The following FNBP1L variants were observed in gnomAD, a reference collection of about 807,000 sequenced individuals.
FNBP1L encodes formin-binding protein 1-like.
Under a neutral mutation model 91.2 loss-of-function variants are expected in FNBP1L, and 36 were observed. The ratio of observed to expected loss-of-function variants is 0.39; its 90% CI spans 0.30 to 0.52. The LOEUF (loss-of-function observed/expected upper bound fraction) is 0.52. Ranked by LOEUF, FNBP1L falls within the 20% of genes least tolerant of loss-of-function variation. The pLI, the probability that FNBP1L is intolerant of heterozygous loss-of-function variation, is 0.66. For missense variants in FNBP1L, 571 were observed against 732.1 expected, an observed-to-expected ratio of 0.78 and a Z score of 2.54; for synonymous variants, 242 against 237.0, an observed-to-expected ratio of 1.02 and a Z score of -0.19.
chr1:93,521,865 A>G (rs1671338836), intron 2 of FNBP1L, among the ~76,000 whole-genome samples: 1 of 152,202 alleles, frequency 6.6e-6, no homozygotes, highest in Non-Finnish European at 1.5e-5. Context: ...ATATGAAAAT[A>G]CAGAAATAAC....
At chr1:93,509,224 C>T (rs1670734315) in intron 2 of FNBP1L, among the ~76,000 whole-genome samples, 1 of 152,160 alleles carries the variant, frequency 6.6e-6, no homozygotes, top group Admixed American at 6.5e-5. Flanking sequence ...CTTAATCATG[C>T]AAAGTCAGCT....
intron 1 of FNBP1L, among the ~76,000 whole-genome samples, chr1:93,498,421 A>G (rs557212199): frequency 6.6e-6 from 1 of 152,378 alleles, no homozygotes; most frequent in South Asian, 2.1e-4. Flanking sequence ...TTTGAAAACC[A>G]GATGATAATC....
At chr1:93,541,172 T>C in intron 11 of FNBP1L, 116 bp downstream of exon 11, 6 of 1,022,614 alleles carry the variant, frequency 5.9e-6, no homozygotes, top group Non-Finnish European at 8.7e-6. Context: ...CTTGTGTGTT[T>C]TTTCTTTTTA....
intron 6 of FNBP1L, among the ~76,000 whole-genome samples, chr1:93,530,047 G>A (rs144098317): frequency 2.7e-4 from 41 of 152,258 alleles, no homozygotes; most frequent in African/African-American, 9.1e-4. Flanking sequence ...GCTAAGATGT[G>A]TTGATGGGGT....
intron 2 of FNBP1L, among the ~76,000 whole-genome samples, chr1:93,520,276 G>A (rs1242986277): frequency 6.6e-6 from 1 of 152,118 alleles, no homozygotes; most frequent in Non-Finnish European, 1.5e-5. Context: ...GGCATTAATT[G>A]ATACTAATCT....
intron 11 of FNBP1L, 166 bp from the exon 12 acceptor site, chr1:93,543,941 A>G (rs1672130865): frequency 2.3e-6 from 1 of 431,780 alleles, no homozygotes; most frequent in Non-Finnish European, 4.3e-6. Context: ...ACATATACGC[A>G]TAAACACACA....
intron 10 of FNBP1L, among the ~76,000 whole-genome samples, chr1:93,537,633 C>A (rs1671891106): frequency 6.6e-6 from 1 of 151,992 alleles, no homozygotes; most frequent in Non-Finnish European, 1.5e-5. Context: ...TCTGTCTTAC[C>A]TAATTCTATA....
At chr1:93,461,814 T>C (rs1315205227) in intron 1 of FNBP1L, among the ~76,000 whole-genome samples, 2 of 152,334 alleles carry the variant, frequency 1.3e-5, no homozygotes, top group Middle Eastern at 3.4e-3. Context: ...ATTTGAATTA[T>C]TACATGGGAG....
intron 2 of FNBP1L, among the ~76,000 whole-genome samples, chr1:93,503,803 G>T (rs1670516682): frequency 6.6e-6 from 1 of 152,124 alleles, no homozygotes; most frequent in Non-Finnish European, 1.5e-5. Flanking sequence ...AACAGATTAA[G>T]ATTTCTAAGT....
chr1:93,546,412 T>A (rs996684951), intron 12 of FNBP1L, among the ~76,000 whole-genome samples: 1 of 152,066 alleles, frequency 6.6e-6, no homozygotes, highest in African/African-American at 2.4e-5. Flanking sequence ...CTGCCATTCC[T>A]ATTTCTAGCA....
chr1:93,483,615 C>G (rs1302669368), intron 1 of FNBP1L, among the ~76,000 whole-genome samples: 2 of 152,234 alleles, frequency 1.3e-5, no homozygotes, highest in East Asian at 3.9e-4. Flanking sequence ...AGAGTTCTGT[C>G]TAGATCAGTG....
chr1:93,530,995 G>A (rs1671658421), intron 7 of FNBP1L, 112 bp downstream of exon 7: 4 of 850,284 alleles, frequency 4.7e-6, no homozygotes, highest in Non-Finnish European at 6.9e-6. Context: ...ATCAGGGTTG[G>A]GGTGAGAGAT....
chr1:93,500,435 T>A (rs1478198942), intron 2 of FNBP1L, among the ~76,000 whole-genome samples: 2 of 152,096 alleles, frequency 1.3e-5, no homozygotes, highest in African/African-American at 4.8e-5. Context: ...GATGGTCTTC[T>A]CTATTGTACC....
At chr1:93,522,273 A>G (rs943604727) in intron 3 of FNBP1L, 138 bp downstream of exon 3, 6 of 352,830 alleles carry the variant, frequency 1.7e-5, no homozygotes, top group Non-Finnish European at 2.9e-5. Context: ...TTATGAAAGA[A>G]GGAACTACTG....
At chr1:93,497,779 C>T (rs976679875) in intron 1 of FNBP1L, among the ~76,000 whole-genome samples, 4 of 152,064 alleles carry the variant, frequency 2.6e-5, no homozygotes, top group Non-Finnish European at 5.9e-5. Flanking sequence ...GCCACCACGC[C>T]TGGCCAATTT....
At chr1:93,538,220 C>A (rs1483856098) in intron 10 of FNBP1L, among the ~76,000 whole-genome samples, 1 of 150,044 alleles carries the variant, frequency 6.7e-6, no homozygotes, top group Admixed American at 6.6e-5. Context: ...GCAATTAGAG[C>A]TATGAACCCT....
At chr1:93,475,621 G>C (rs1669468597) in intron 1 of FNBP1L, among the ~76,000 whole-genome samples, 1 of 152,150 alleles carries the variant, frequency 6.6e-6, no homozygotes, top group Admixed American at 6.5e-5. Context: ...GAGATACTCT[G>C]AGCCAATCAT....
chr1:93,485,151 T>TAAA (rs34866392), intron 1 of FNBP1L, among the ~76,000 whole-genome samples: 32 of 126,060 alleles, frequency 2.5e-4, no homozygotes, highest in South Asian at 7.7e-4. Flanking sequence ...ACCCTATCTC[T>TAAA]AAAAAAAAAA....
chr1:93,509,819 G>A (rs968863601), intron 2 of FNBP1L, among the ~76,000 whole-genome samples: 8 of 152,222 alleles, frequency 5.3e-5, no homozygotes, highest in Middle Eastern at 3.2e-3. Flanking sequence ...GGGTCAGGGA[G>A]TTCCCTTTCC....
Sources: allele counts gnomAD v4.1 joint callset (sites outside exome capture counted in the v4.1 genomes callset), GRCh38; gene constraint gnomAD v4.1.1; transcripts MANE v1.5; gene names NCBI Gene and HGNC (gene_info 2026-07-23, HGNC 2026-07-21).